SHISA9: variants seen among roughly 807,000 people sequenced by gnomAD.
SHISA9 encodes the protein protein shisa-9.
SHISA9 carries 13 observed loss-of-function variants against 38.0 expected under a neutral mutation model. That is an observed-to-expected ratio of 0.34 (90% CI 0.22 to 0.54). The LOEUF (loss-of-function observed/expected upper bound fraction) is 0.54, where lower values mean the gene tolerates loss of function less well. Ranked by LOEUF, SHISA9 falls within the 20% of genes least tolerant of loss-of-function variation. SHISA9 has a pLI of 0.91. For missense variants in SHISA9, 538 were observed against 575.8 expected (o/e 0.93, Z 0.67); for synonymous variants, 275 against 242.0 (o/e 1.14, Z -1.27).
intron 2 of SHISA9, among the ~76,000 whole-genome samples, chr16:12,918,554 C>T (rs1233071981): frequency 6.6e-6 from 1 of 152,168 alleles, no homozygotes; most frequent in Non-Finnish European, 1.5e-5. Context: ...TTACATAAGG[C>T]GTTTTCATTG....
the SHISA9 span, among the ~76,000 whole-genome samples, chr16:13,444,594 A>G: frequency 6.6e-6 from 1 of 151,978 alleles, no homozygotes; most frequent in South Asian, 2.1e-4. Context: ...GTCTCTCACT[A>G]TGTGTGAGCA....
intron 2 of SHISA9, among the ~76,000 whole-genome samples, chr16:13,026,032 C>T (rs544626163): frequency 2.0e-4 from 30 of 152,110 alleles, no homozygotes; most frequent in Middle Eastern, 3.4e-3. Context: ...CTCGAACTCC[C>T]GACCTCAGAT....
intron 2 of SHISA9, among the ~76,000 whole-genome samples, chr16:13,004,897 A>T (rs182969216): frequency 1.8e-3 from 270 of 150,604 alleles, no homozygotes; most frequent in Middle Eastern, 3.5e-3. Flanking sequence ...ATGCCACTAC[A>T]CTCCAGCCTG....
intron 4 of SHISA9, among the ~76,000 whole-genome samples, chr16:13,214,537 A>T (rs2051149637): frequency 6.6e-6 from 1 of 152,140 alleles, no homozygotes; most frequent in African/African-American, 2.4e-5. Flanking sequence ...CGAACTGGGG[A>T]AAATTAGGAG....
the SHISA9 span, among the ~76,000 whole-genome samples, chr16:13,385,393 G>T: frequency 6.6e-6 from 1 of 152,218 alleles, no homozygotes; most frequent in African/African-American, 2.4e-5. Context: ...AAGCAATCTA[G>T]ATGCCCTTCA....
the SHISA9 span, among the ~76,000 whole-genome samples, chr16:13,336,585 A>C: frequency 6.6e-6 from 1 of 152,222 alleles, no homozygotes; most frequent in Non-Finnish European, 1.5e-5. Flanking sequence ...CAAGAAGATA[A>C]GGAAATAACT....
At chr16:13,103,774 T>C (rs899896092) in intron 2 of SHISA9, among the ~76,000 whole-genome samples, 2 of 152,378 alleles carry the variant, frequency 1.3e-5, no homozygotes, top group African/African-American at 2.4e-5. Context: ...TTTTCTTCCA[T>C]GTTGGCCTCA....
chr16:13,318,856 C>A, the SHISA9 span, among the ~76,000 whole-genome samples: 1 of 152,230 alleles, frequency 6.6e-6, no homozygotes, highest in African/African-American at 2.4e-5. Context: ...ACAAAACACA[C>A]TTCAAATATC....
Position 13,235,148 on chromosome 16 carries a change from T to C in SHISA9, c.1014T>C (p.Pro338=). The change falls in exon 5 of 5, where the codon CCT becomes CCC. Residue 338 remains proline (P), a synonymous_variant. Coordinates refer to ENST00000558583, the MANE Select transcript of SHISA9 (RefSeq NM_001145204.3). ...RVEDEPRAFS[P]EHGPAKQNGQ... is the part of the protein sequence containing the mutation. ...AGGACGAGCCCCGGGCCTTCAGCCC[T>C]GAGCACGGTCCTGCCAAGCAGAATG... The C allele has an allele frequency of 6.4e-7, 1 of 1,551,722 alleles. No homozygotes were observed. The highest frequency in any genetic ancestry group is 8.7e-7 in the Non-Finnish European group (1 of 1,147,006).
chr16:13,358,823 A>T, the SHISA9 span, among the ~76,000 whole-genome samples: 2 of 152,224 alleles, frequency 1.3e-5, no homozygotes, highest in African/African-American at 4.8e-5. Flanking sequence ...CCATAAAAAG[A>T]TGAACATGAT....
chr16:13,349,036 G>T, the SHISA9 span, among the ~76,000 whole-genome samples: 11,913 of 152,206 alleles, frequency 0.078, 646 homozygotes, highest in South Asian at 0.21. Context: ...TACCAAGCCA[G>T]TGTGTCTGTT....
the SHISA9 span, among the ~76,000 whole-genome samples, chr16:13,246,613 T>C: frequency 6.6e-6 from 1 of 152,236 alleles, no homozygotes; most frequent in East Asian, 1.9e-4. Context: ...AGCTTCATTC[T>C]TCTCTTCTTG....
At chr16:13,197,905 C>A (rs2050963414) in intron 2 of SHISA9, among the ~76,000 whole-genome samples, 1 of 152,146 alleles carries the variant, frequency 6.6e-6, no homozygotes, top group South Asian at 2.1e-4. Flanking sequence ...TATATGCGGG[C>A]CGGGCGAGGT....
chr16:12,933,520 T>C (rs1489236809), intron 2 of SHISA9, among the ~76,000 whole-genome samples: 1 of 152,196 alleles, frequency 6.6e-6, no homozygotes, highest in Non-Finnish European at 1.5e-5. Context: ...TCTGGATTCC[T>C]GACCTCAGGC....
At chr16:13,532,128 A>C in the SHISA9 span, among the ~76,000 whole-genome samples, 4 of 152,358 alleles carry the variant, frequency 2.6e-5, no homozygotes, top group South Asian at 8.3e-4. Flanking sequence ...CAGCACGAAG[A>C]GAATGAAAAC....
the SHISA9 span, among the ~76,000 whole-genome samples, chr16:13,288,978 A>G: frequency 2.0e-5 from 3 of 152,140 alleles, no homozygotes; most frequent in Non-Finnish European, 4.4e-5. Context: ...GCTTCAATAT[A>G]TGAATGAGGT....
the SHISA9 span, among the ~76,000 whole-genome samples, chr16:13,426,477 G>A: frequency 2.0e-5 from 3 of 152,304 alleles, no homozygotes; most frequent in Middle Eastern, 3.4e-3. Context: ...GGCACTGTCT[G>A]TGTACCTTTC....
chr16:13,366,129 A>C, the SHISA9 span, among the ~76,000 whole-genome samples: 1 of 152,212 alleles, frequency 6.6e-6, no homozygotes, highest in African/African-American at 2.4e-5. Context: ...GGCCATGTGT[A>C]AAATGATGGC....
At chr16:13,501,459 A>G in the SHISA9 span, among the ~76,000 whole-genome samples, 2 of 152,234 alleles carry the variant, frequency 1.3e-5, no homozygotes, top group East Asian at 3.8e-4. Context: ...AAAGGCATTT[A>G]AGCCAGAAAG....
Sources: allele counts gnomAD v4.1 joint callset (sites outside exome capture counted in the v4.1 genomes callset), GRCh38; gene constraint gnomAD v4.1.1; transcripts MANE v1.5; gene names NCBI Gene and HGNC (gene_info 2026-07-23, HGNC 2026-07-21).